Variants in TMPRSS11D observed in about 807,000 individuals in gnomAD.
TMPRSS11D encodes the protein transmembrane protease serine 11D.
In TMPRSS11D, 32 loss-of-function variants were observed where a neutral mutation model predicts 44.4. The observed-to-expected ratio is 0.72, with a 90% CI of 0.54 to 0.97. The LOEUF (loss-of-function observed/expected upper bound fraction) is 0.97, where lower values mean the gene tolerates loss of function less well. TMPRSS11D is among the 50% of genes least tolerant of loss of function. The probability of loss-of-function intolerance (pLI) is 0.00; values close to 1 mark genes in which losing one functional copy is unlikely to be tolerated. For missense variants in TMPRSS11D, 446 were observed against 502.6 expected, an observed-to-expected ratio of 0.89 and a Z score of 1.08; for synonymous variants, 179 against 177.9, an observed-to-expected ratio of 1.01 and a Z score of -0.05.
intron 5 of TMPRSS11D, among the ~76,000 whole-genome samples, chr4:67,836,561 G>T (rs1422607863): frequency 6.6e-6 from 1 of 152,042 alleles, no homozygotes; most frequent in East Asian, 1.9e-4. Context: ...TTAATTTTTT[G>T]AACAAACAGA....
intron 2 of TMPRSS11D, among the ~76,000 whole-genome samples, chr4:67,858,107 T>C (rs936108308): frequency 1.3e-5 from 2 of 152,140 alleles, no homozygotes; most frequent in Admixed American, 6.5e-5. Context: ...AACTCAGAAA[T>C]ACTATGAAGA....
intron 3 of TMPRSS11D, among the ~76,000 whole-genome samples, chr4:67,846,829 CTCAA>C (rs1002182161): frequency 2.0e-5 from 3 of 152,056 alleles, no homozygotes; most frequent in African/African-American, 7.2e-5. Context: ...CAAAAGGAAA[CTCAA>C]TCACCTAATG....
At chr4:67,823,431 G>T (rs554160922) in intron 9 of TMPRSS11D, among the ~76,000 whole-genome samples, 3 of 152,184 alleles carry the variant, frequency 2.0e-5, no homozygotes, top group Middle Eastern at 6.8e-3. Flanking sequence ...AGATAGTCTG[G>T]GTTTAAGTCC....
At chr4:67,870,275 T>A (rs1719023718) in intron 1 of TMPRSS11D, among the ~76,000 whole-genome samples, 1 of 152,180 alleles carries the variant, frequency 6.6e-6, no homozygotes, top group Admixed American at 6.5e-5. Flanking sequence ...TGGTTCCATA[T>A]CTCGTTAAGT....
intron 4 of TMPRSS11D, among the ~76,000 whole-genome samples, chr4:67,841,430 GC>G (rs1453542214): frequency 6.6e-6 from 1 of 152,186 alleles, no homozygotes; most frequent in Non-Finnish European, 1.5e-5. Context: ...GGAGTGACAG[GC>G]CAACAGGACC....
At chr4:67,842,264 C>A (rs1718249903) in intron 4 of TMPRSS11D, among the ~76,000 whole-genome samples, 2 of 152,136 alleles carry the variant, frequency 1.3e-5, no homozygotes, top group African/African-American at 4.8e-5. Context: ...TGAATGATAT[C>A]CACTGGAGTT....
Position 67,827,515 on chromosome 4 carries a change from G to T in TMPRSS11D, c.698C>A (p.Ser233Tyr), listed in dbSNP as rs1358757688. ...LTAAHCFRSN[S>Y]NPRDWIATSG... ...CGTGGCAATCCAGTCACGAGGATTA[G>T]AGTTGCTAAAACATTATGAAAACAT... Residue 233 changes from serine to tyrosine, a missense_variant, in exon 8 of 10, where the codon TCT becomes TAT. Ser to Tyr is a moderately radical substitution (Grantham distance 144, BLOSUM62 -2). Transcript: ENST00000283916. 3 of 1,593,920 alleles carry T rather than the reference G, an allele frequency of 1.9e-6. No individual in the cohort carries two copies. The highest frequency in any genetic ancestry group is 2.3e-5 in the South Asian group (2 of 87,124).
chr4:67,867,962 A>G (rs531777036), intron 1 of TMPRSS11D, among the ~76,000 whole-genome samples: 100 of 152,292 alleles, frequency 6.6e-4, no homozygotes, highest in Non-Finnish European at 9.6e-4. Context: ...CAATCCAACT[A>G]TTGGGTATCT....
intron 2 of TMPRSS11D, among the ~76,000 whole-genome samples, chr4:67,858,871 A>G (rs1239039798): frequency 1.3e-5 from 2 of 152,196 alleles, no homozygotes; most frequent in East Asian, 3.8e-4. Flanking sequence ...AAAGTTGTTT[A>G]TGAATGAGCA....
Position 67,854,171 on chromosome 4 carries a change from A to T in TMPRSS11D, c.146T>A (p.Phe49Tyr). 1 of 1,552,104 alleles carries T rather than the reference A, an allele frequency of 6.4e-7. No homozygotes were observed. ...YFLAFDQKSY[F>Y]YRSSFQLLNV... ...TAGGAGTTGAAAACTGCTCCTATAA[A>T]AGTAAGATTTTTGATCTGAAAAAGA... Residue 49 changes from phenylalanine (F) to tyrosine (Y), a missense_variant, in exon 3 of 10, where the codon TTT (phenylalanine) becomes TAT (tyrosine). Transcript: ENST00000283916.
chr4:67,879,151 A>T (rs888324381), intron 1 of TMPRSS11D, among the ~76,000 whole-genome samples: 5 of 152,018 alleles, frequency 3.3e-5, no homozygotes, highest in Admixed American at 2.0e-4. Flanking sequence ...ATTGCAAACC[A>T]TGAGACTGGT....
chr4:67,869,481 A>G (rs916558714), intron 1 of TMPRSS11D, among the ~76,000 whole-genome samples: 4 of 152,132 alleles, frequency 2.6e-5, no homozygotes, highest in African/African-American at 9.7e-5. Context: ...TTACAAGTAT[A>G]TAATTTAGGC....
At chr4:67,826,455 A>G (rs546293516) in intron 8 of TMPRSS11D, among the ~76,000 whole-genome samples, 2 of 152,114 alleles carry the variant, frequency 1.3e-5, no homozygotes, top group African/African-American at 4.8e-5. Context: ...GAAATTGTCA[A>G]TGCTACCCTT....
At chr4:67,861,502 A>T (rs933633446) in intron 1 of TMPRSS11D, among the ~76,000 whole-genome samples, 3 of 152,244 alleles carry the variant, frequency 2.0e-5, no homozygotes, top group African/African-American at 7.2e-5. Context: ...TTCTGCAACA[A>T]TTAGGGATTG....
At chr4:67,853,419 A>G (rs763167783) in intron 3 of TMPRSS11D, among the ~76,000 whole-genome samples, 1 of 152,234 alleles carries the variant, frequency 6.6e-6, no homozygotes, top group Non-Finnish European at 1.5e-5. Flanking sequence ...TTGTAGAACC[A>G]TTGAATTACT....
chr4:67,868,447 A>T (rs1718975674), intron 1 of TMPRSS11D, among the ~76,000 whole-genome samples: 1 of 152,192 alleles, frequency 6.6e-6, no homozygotes, highest in South Asian at 2.1e-4. Flanking sequence ...CTATTATAAA[A>T]ATTCCTTCAC....
At chr4:67,836,042 T>C (rs898209834) in intron 5 of TMPRSS11D, among the ~76,000 whole-genome samples, 6 of 152,272 alleles carry the variant, frequency 3.9e-5, no homozygotes, top group African/African-American at 1.4e-4. Flanking sequence ...CTACTTATTA[T>C]ATCCTTTTAG....
In TMPRSS11D at chr4:67,864,934, C is replaced by A. The variant is rs1291320013; in HGVS notation, c.9-5256G>T. On this transcript the variant is annotated intron_variant, in intron 1 of 9. Transcript: ENST00000283916. ...ACAATAATGATGGAGAACTTCAACACCCCCATTGACAGTACTAGACAGATC... is the reference window on the plus strand; with the variant it reads ...ACAATAATGATGGAGAACTTCAACAACCCCATTGACAGTACTAGACAGATC... Among the ~76,000 whole-genome samples, 7 of 151,760 alleles carry A rather than the reference C, an allele frequency of 4.6e-5. 1 individual carries two copies. Among genetic ancestry groups the A allele is most frequent in the Admixed American group, 4.6e-4 (7 of 15,218 alleles).
chr4:67,877,509 C>T (rs1470030115), intron 1 of TMPRSS11D, among the ~76,000 whole-genome samples: 8 of 152,180 alleles, frequency 5.3e-5, no homozygotes, highest in Admixed American at 5.2e-4. Flanking sequence ...TTTCAGACTA[C>T]AATATCCAGC....
Sources: gnomAD v4.1 joint callset for allele counts (sites outside exome capture counted in the v4.1 genomes callset) on GRCh38, gnomAD v4.1.1 for gene constraint, MANE v1.5 for transcripts, NCBI Gene and HGNC (gene_info 2026-07-23, HGNC 2026-07-21) for gene names.